Variants in NMT1 observed in about 807,000 individuals in gnomAD.
The protein encoded by NMT1 is N-myristoyltransferase 1, also known as glycylpeptide N-tetradecanoyltransferase 1.
In NMT1, 12 loss-of-function variants were observed where a neutral mutation model predicts 63.4. The ratio of observed to expected loss-of-function variants is 0.19; its 90% CI spans 0.12 to 0.31. The LOEUF is 0.31. Ranked by LOEUF, NMT1 falls within the 10% of genes least tolerant of loss-of-function variation. The pLI, the probability that NMT1 is intolerant of heterozygous loss-of-function variation, is 1.00. For synonymous variants in NMT1, 228 were observed against 234.3 expected (o/e 0.97, Z 0.25); for missense variants, 432 against 634.6 (o/e 0.68, Z 3.43).
At chr17:45,063,381 A>G (rs539702285) in intron 1 of NMT1, among the ~76,000 whole-genome samples, 1 of 152,314 alleles carries the variant, frequency 6.6e-6, no homozygotes, top group South Asian at 2.1e-4. Context: ...AAGAGGAAGT[A>G]GGAACAGGAA....
At chr17:45,101,617 C>CAAAAAA (rs748973404) in intron 8 of NMT1, among the ~76,000 whole-genome samples, 3 of 53,342 alleles carry the variant, frequency 5.6e-5, no homozygotes, top group Non-Finnish European at 9.6e-5. Context: ...GACTCCGTCG[C>CAAAAAA]AAAAAAAAAA....
chr17:45,078,859 C>T (rs565970717), intron 1 of NMT1, among the ~76,000 whole-genome samples: 9 of 152,002 alleles, frequency 5.9e-5, no homozygotes, highest in Admixed American at 5.2e-4. Flanking sequence ...GACGGGGTTT[C>T]GCCATGTTGC....
chr17:45,107,073 C>G lies in NMT1; in HGVS notation c.*1434C>G, dbSNP rs552972231. ...AGGAGGTAGCATGACGTGTGGTGTGCGGGTTTCCTTGCTGCCGTCACCTCT... is the reference window on the plus strand; with the variant it reads ...AGGAGGTAGCATGACGTGTGGTGTGGGGGTTTCCTTGCTGCCGTCACCTCT... On this transcript the variant is annotated 3_prime_UTR_variant, in exon 12 of 12. Transcript: ENST00000258960. 2 of 152,140 alleles carry G rather than the reference C, an allele frequency of 1.3e-5. No individual in the cohort carries two copies. The highest frequency in any genetic ancestry group is 2.9e-5 in the Non-Finnish European group (2 of 68,048). The allele number at this position is 152,140 out of a possible 1,614,324, so 9.4% of individuals were successfully genotyped here. A position where few individuals can be genotyped will look rare whatever the true frequency, so the allele number is the denominator to read the frequency against.
intron 1 of NMT1, 121 bp from the exon 2 acceptor site, chr17:45,081,523 C>A: frequency 1.2e-6 from 1 of 856,648 alleles, no homozygotes; most frequent in Non-Finnish European, 1.9e-6. Flanking sequence ...GTTCTTCAGC[C>A]TGCTTCTGAA....
chr17:45,072,941 T>TA (rs2053953086), intron 1 of NMT1, among the ~76,000 whole-genome samples: 1 of 152,136 alleles, frequency 6.6e-6, no homozygotes, highest in Admixed American at 6.6e-5. Flanking sequence ...ATTGCTCTCA[T>TA]AGAATATTAA....
intron 3 of NMT1, among the ~76,000 whole-genome samples, chr17:45,092,742 AT>A (rs2054097333): frequency 6.6e-6 from 1 of 151,690 alleles, no homozygotes; most frequent in South Asian, 2.1e-4. Context: ...GAAAAAAAAA[AT>A]ATTTGGGATC....
intron 1 of NMT1, among the ~76,000 whole-genome samples, chr17:45,068,118 T>G (rs998152652): frequency 6.6e-6 from 1 of 152,182 alleles, no homozygotes; most frequent in African/African-American, 2.4e-5. Flanking sequence ...GTCCTTGTGA[T>G]TGTTACATTT....
chr17:45,065,005 C>G (rs556065432), intron 1 of NMT1, among the ~76,000 whole-genome samples: 2 of 152,256 alleles, frequency 1.3e-5, no homozygotes, highest in African/African-American at 2.4e-5. Flanking sequence ...TTATCACATA[C>G]TGTATTGTAG....
intron 4 of NMT1, among the ~76,000 whole-genome samples, chr17:45,095,792 C>A (rs2054121552): frequency 6.6e-6 from 1 of 152,114 alleles, no homozygotes; most frequent in South Asian, 2.1e-4. Context: ...GAAAAAAGGC[C>A]TTTGTTTGGG....
At chr17:45,082,272 G>GTT (rs74724010) in intron 2 of NMT1, among the ~76,000 whole-genome samples, 5 of 141,680 alleles carry the variant, frequency 3.5e-5, no homozygotes, top group East Asian at 2.1e-4. Flanking sequence ...CACCTGTCCA[G>GTT]TTTTTTTTTT....
intron 2 of NMT1, among the ~76,000 whole-genome samples, chr17:45,084,246 A>G (rs1414694396): frequency 6.6e-6 from 1 of 152,200 alleles, no homozygotes; most frequent in Non-Finnish European, 1.5e-5. Context: ...TAATCAGTAA[A>G]TAATAAGATG....
At position 45,103,607 on chromosome 17, in the gene NMT1, G is replaced by A. The variant is rs1166705436; in HGVS notation, c.1165-102G>A. 5.0e-6 allele frequency: 6 copies of A among 1,199,942 alleles called. No individual in the cohort carries two copies. The East Asian group carries it at 1.2e-4, about 23-fold the overall frequency. 74.3% of individuals were successfully genotyped at this position (1,199,942 alleles called of 1,614,324 possible). A position where few individuals can be genotyped will look rare whatever the true frequency, so the allele number is the denominator to read the frequency against. On this transcript the variant is annotated intron_variant, in intron 9 of 11. Coordinates refer to ENST00000258960, the MANE Select transcript of NMT1 (RefSeq NM_021079.5). This position sits in a 1 kb window ranked among gnomAD's most constrained non-coding sequence, Gnocchi z 4.8. Reference sequence around the variant, plus strand: ...TGCAGTTTCCAGCCATTTATCTAGAGGGGCAGAGCTGCCTGAAGGTGGAGT... The same window carrying A: ...TGCAGTTTCCAGCCATTTATCTAGAAGGGCAGAGCTGCCTGAAGGTGGAGT...
chr17:45,066,506 C>T (rs2098038390), intron 1 of NMT1, among the ~76,000 whole-genome samples: 1 of 151,756 alleles, frequency 6.6e-6, no homozygotes, highest in South Asian at 2.1e-4. Flanking sequence ...GTAATCTCAG[C>T]ACTTTGGGAG....
chr17:45,100,458 C>T (rs2054154344), intron 8 of NMT1, among the ~76,000 whole-genome samples: 1 of 151,510 alleles, frequency 6.6e-6, no homozygotes, highest in Non-Finnish European at 1.5e-5. Context: ...GTCCCAGCTA[C>T]TTGGGAGGCT....
chr17:45,076,451 GA>G (rs1405974078), intron 1 of NMT1, among the ~76,000 whole-genome samples: 1,986 of 128,580 alleles, frequency 0.015, 34 homozygotes, highest in African/African-American at 0.047. Flanking sequence ...ACTCATTAAA[GA>G]AAAAAAAAAA....
chr17:45,090,629 C>G (rs1176273249), intron 3 of NMT1, among the ~76,000 whole-genome samples: 1 of 152,168 alleles, frequency 6.6e-6, no homozygotes, highest in Non-Finnish European at 1.5e-5. Flanking sequence ...CAGACATTCT[C>G]ATTTCTCCGA....
At position 45,098,674 on chromosome 17, in the gene NMT1, C is replaced by T. The variant is rs1598017997; in HGVS notation, c.884+122C>T. On this transcript the variant is annotated intron_variant, in intron 7 of 11. Coordinates refer to ENST00000258960, the MANE Select transcript of NMT1 (RefSeq NM_021079.5). ...CCCACCTCTGGCGTATCTGGTAAGG[C>T]GGGCACTTGGTGCCTGCAGGAGCCA... 22 of 928,342 alleles carry T rather than the reference C, an allele frequency of 2.4e-5. No individual in the cohort carries two copies. The East Asian group carries it at 4.4e-4, about 19-fold the overall frequency. The allele number at this position is 928,342 out of a possible 1,614,324, so 57.5% of individuals were successfully genotyped here.
intron 3 of NMT1, among the ~76,000 whole-genome samples, chr17:45,091,657 G>GT (rs1223137653): frequency 1.3e-5 from 2 of 152,120 alleles, no homozygotes; most frequent in Admixed American, 6.6e-5. Flanking sequence ...GCTCAAAAAT[G>GT]TTTTTTTAAT....
chr17:45,083,358 A>G (rs1196689620), intron 2 of NMT1, among the ~76,000 whole-genome samples: 1 of 151,944 alleles, frequency 6.6e-6, no homozygotes, highest in Non-Finnish European at 1.5e-5. Context: ...AAAAAAAGGA[A>G]CAGCCTCTGA....
Sources: allele counts gnomAD v4.1 joint callset (sites outside exome capture counted in the v4.1 genomes callset), GRCh38; gene constraint gnomAD v4.1.1; non-coding constraint Gnocchi (gnomAD v3.1); transcripts MANE v1.5; gene names NCBI Gene and HGNC (gene_info 2026-07-23, HGNC 2026-07-21).